Variants in PUS7 observed in about 807,000 individuals in gnomAD.
The protein encoded by PUS7 is pseudouridine synthase 7.
Under a neutral mutation model 79.8 loss-of-function variants are expected in PUS7, and 48 were observed. The observed-to-expected ratio is 0.60, with a 90% CI of 0.48 to 0.76. The LOEUF is 0.76. PUS7 is among the 30% of genes least tolerant of loss of function. The pLI, the probability that PUS7 is intolerant of heterozygous loss-of-function variation, is 0.00. For missense variants in PUS7, 729 were observed against 797.6 expected, an observed-to-expected ratio of 0.91 and a Z score of 1.04; for synonymous variants, 286 against 272.2, an observed-to-expected ratio of 1.05 and a Z score of -0.50.
rs1247646504 is a variant in PUS7, at chr7:105,486,897, T to TA, written c.921-4458dup. 4.6e-5 allele frequency among the ~76,000 whole-genome samples: 7 copies of TA among 151,700 alleles called. No homozygotes were observed. In the Middle Eastern group the frequency reaches 0.01, roughly 221 times the overall value. On this transcript the variant is annotated intron_variant, in intron 7 of 15. Transcript: ENST00000469408. The stretch of plus-strand genomic sequence containing the variant: ...CATCCTGGTGAAACCCCGTGTCTAC[T>TA]AAAAATACAAAAATTGGCAGGGCAT...
At chr7:105,478,861 C>T (rs6466069) in intron 9 of PUS7, among the ~76,000 whole-genome samples, 30,421 of 152,086 alleles carry the variant, frequency 0.2, 3,162 homozygotes, top group African/African-American at 0.26. Flanking sequence ...CCTTTGGTCA[C>T]GCTATGTAAT....
intron 5 of PUS7, among the ~76,000 whole-genome samples, chr7:105,501,429 T>A (rs191726785): frequency 2.6e-5 from 4 of 152,322 alleles, no homozygotes; most frequent in Non-Finnish European, 5.9e-5. Context: ...CCTGAAAGGT[T>A]ATATGCAAAT....
intron 5 of PUS7, among the ~76,000 whole-genome samples, chr7:105,499,127 G>A (rs542289981): frequency 6.6e-6 from 1 of 152,276 alleles, no homozygotes; most frequent in South Asian, 2.1e-4. Context: ...AGAATGCTCC[G>A]GTGAAAAGAC....
chr7:105,470,985 T>G (rs1823852373), intron 10 of PUS7, 137 bp from the exon 11 acceptor site: 2 of 928,008 alleles, frequency 2.2e-6, no homozygotes, highest in Admixed American at 7.1e-5. Context: ...ACCACTCATC[T>G]GAGGAAGCGC....
At chr7:105,462,441 C>CA (rs201693364) in intron 14 of PUS7, 180 bp downstream of exon 14, 38,937 of 542,360 alleles carry the variant, frequency 0.072, 1,241 homozygotes, top group African/African-American at 0.25. Flanking sequence ...AAAAAAAAAC[C>CA]AAAAAAAAAA....
intron 12 of PUS7, among the ~76,000 whole-genome samples, chr7:105,467,051 T>C (rs1019214331): frequency 4.2e-5 from 6 of 143,758 alleles, no homozygotes; most frequent in Non-Finnish European, 9.3e-5. Flanking sequence ...TTTTTTTTTT[T>C]TTTTTTTTTT....
At chr7:105,480,721 A>G (rs1292591227) in intron 9 of PUS7, among the ~76,000 whole-genome samples, 1 of 152,200 alleles carries the variant, frequency 6.6e-6, no homozygotes, top group East Asian at 1.9e-4. Context: ...GGATGCGGTG[A>G]GCCGAGATTG....
chr7:105,467,333 A>T (rs990815906), intron 12 of PUS7, among the ~76,000 whole-genome samples: 14 of 149,308 alleles, frequency 9.4e-5, no homozygotes, highest in African/African-American at 3.5e-4. Flanking sequence ...ACTGTCGCCC[A>T]GGCTGGAATG....
rs1329768006 is a variant in PUS7, at chr7:105,462,413, C to T, written c.1757+208G>A. 3 of 501,276 alleles carry T rather than the reference C, an allele frequency of 6.0e-6. No homozygotes were observed. In the African/African-American group the frequency reaches 6.2e-5, roughly 10 times the overall value. The allele number at this position is 501,276 out of a possible 1,614,324, so 31.1% of individuals were successfully genotyped here. A position where few individuals can be genotyped will look rare whatever the true frequency, so the allele number is the denominator to read the frequency against. The stretch of plus-strand genomic sequence containing the variant: ...TGCTATTGTGCTCCAGCCTGGGTGA[C>T]TAGTGAAACTCCGTCTCAAAAAAAA... On this transcript the variant is annotated intron_variant, in intron 14 of 15. Transcript: ENST00000469408.
chr7:105,485,028 A>G (rs948191241), intron 7 of PUS7, among the ~76,000 whole-genome samples: 1 of 151,526 alleles, frequency 6.6e-6, no homozygotes, highest in Non-Finnish European at 1.5e-5. Flanking sequence ...ATGCCTGGCC[A>G]ATTTTTATAT....
At chr7:105,468,986 C>G (rs1033892668) in intron 11 of PUS7, among the ~76,000 whole-genome samples, 1 of 152,118 alleles carries the variant, frequency 6.6e-6, no homozygotes, top group African/African-American at 2.4e-5. Context: ...ACTGTAGCCT[C>G]AAATGCTCAG....
In PUS7 at chr7:105,465,479, T is replaced by G. The variant is rs766896875; in HGVS notation, c.1526-65A>C. 416 of 1,166,420 alleles carry G rather than the reference T, an allele frequency of 3.6e-4. 3 individuals are homozygous for G. The highest frequency in any genetic ancestry group is 6.8e-5 in the Non-Finnish European group (54 of 796,498). The allele number at this position is 1,166,420 out of a possible 1,614,324, so 72.3% of individuals were successfully genotyped here. A position where few individuals can be genotyped will look rare whatever the true frequency, so the allele number is the denominator to read the frequency against. On this transcript the variant is annotated intron_variant, in intron 12 of 15. Transcript: ENST00000469408. ...CAATATTGTTATGAACTCAATCTTCTAAAATTATATACATCTAAGCAAGTC... is the reference window on the plus strand; with the variant it reads ...CAATATTGTTATGAACTCAATCTTCGAAAATTATATACATCTAAGCAAGTC...
intron 6 of PUS7, among the ~76,000 whole-genome samples, chr7:105,492,330 C>T (rs910630497): frequency 4.6e-5 from 7 of 150,756 alleles, no homozygotes; most frequent in Middle Eastern, 3.5e-3. Context: ...AATAATTCTT[C>T]GCTTTTTTTT....
chr7:105,482,928 C>T (rs894409905), intron 7 of PUS7, among the ~76,000 whole-genome samples: 3 of 151,968 alleles, frequency 2.0e-5, no homozygotes, highest in African/African-American at 7.2e-5. Context: ...ATTTTCATTG[C>T]CTGAAAAAAA....
At position 105,498,482 on chromosome 7, in the gene PUS7, A is replaced by G. The variant is rs776096573; in HGVS notation, c.731-3229T>C. Among the ~76,000 whole-genome samples, 22 of 152,346 alleles carry G rather than the reference A, an allele frequency of 1.4e-4. No individual in the cohort carries two copies. The South Asian group carries it at 1.7e-3, about 12-fold the overall frequency. ...TGCATCCAGCTTCTGAGGGCCTAACAAGGCAGTCCCAGTCTAGCAGAAATG... is the reference window on the plus strand; with the variant it reads ...TGCATCCAGCTTCTGAGGGCCTAACGAGGCAGTCCCAGTCTAGCAGAAATG... On this transcript the variant is annotated intron_variant, in intron 5 of 15. Coordinates refer to ENST00000469408, the MANE Select transcript of PUS7 (RefSeq NM_019042.5).
At chr7:105,475,496 A>AT (rs749723361) in intron 9 of PUS7, among the ~76,000 whole-genome samples, 39 of 151,116 alleles carry the variant, frequency 2.6e-4, no homozygotes, top group East Asian at 1.8e-3. Context: ...TTTTTTTTGT[A>AT]TTTTTTTAGT....
At chr7:105,496,508 T>C (rs1442220968) in intron 5 of PUS7, among the ~76,000 whole-genome samples, 1 of 152,112 alleles carries the variant, frequency 6.6e-6, no homozygotes, top group African/African-American at 2.4e-5. Flanking sequence ...TCCTCTTCTT[T>C]TAAAAATAAT....
chr7:105,515,791 T>TTTTTTTTATTTATTTATTTATTTATTTA (rs1554353689), intron 1 of PUS7, among the ~76,000 whole-genome samples: 5 of 121,240 alleles, frequency 4.1e-5, no homozygotes, highest in African/African-American at 1.6e-4. Context: ...TTTTATTTTA[T>TTTTTTTTATTTATTTATTTATTTATTTA]TTTATTTATT....
chr7:105,520,779 T>C (rs1252913060), intron 1 of PUS7, among the ~76,000 whole-genome samples: 1 of 152,016 alleles, frequency 6.6e-6, no homozygotes, highest in East Asian at 1.9e-4. Context: ...TGCTCAAGCC[T>C]GTAATTCCAG....
Sources: gnomAD v4.1 joint callset for allele counts (sites outside exome capture counted in the v4.1 genomes callset) on GRCh38, gnomAD v4.1.1 for gene constraint, MANE v1.5 for transcripts, NCBI Gene and HGNC (gene_info 2026-07-23, HGNC 2026-07-21) for gene names.